The following CLVS1 variants were observed in gnomAD, a reference collection of about 807,000 sequenced individuals.
The protein encoded by CLVS1 is clavesin 1, also known as clavesin-1.
CLVS1 carries 10 observed loss-of-function variants against 33.1 expected under a neutral mutation model. The ratio of observed to expected loss-of-function variants is 0.30; its 90% CI spans 0.19 to 0.51. CLVS1 has a LOEUF of 0.51. CLVS1 is among the 20% of genes least tolerant of loss of function. The pLI is 0.97. For missense variants in CLVS1, 343 were observed against 433.4 expected, an observed-to-expected ratio of 0.79 and a Z score of 1.85; for synonymous variants, 163 against 166.1, an observed-to-expected ratio of 0.98 and a Z score of 0.14.
intron 4 of CLVS1, among the ~76,000 whole-genome samples, chr8:61,455,364 C>T (rs576567847): frequency 1.3e-5 from 2 of 152,124 alleles, no homozygotes; most frequent in Non-Finnish European, 2.9e-5. Flanking sequence ...CTCTCCATTT[C>T]CCCCTACTCT....
intron 5 of CLVS1, among the ~76,000 whole-genome samples, chr8:61,469,959 A>T (rs1817680450): frequency 6.6e-6 from 1 of 152,244 alleles, no homozygotes; most frequent in Non-Finnish European, 1.5e-5. Context: ...CCTGAGATGT[A>T]TCATCACTTC....
intron 3 of CLVS1, chr8:61,378,003 C>G (rs1432054193): frequency 6.6e-6 from 1 of 152,200 alleles, no homozygotes; most frequent in Non-Finnish European, 1.5e-5. Flanking sequence ...CAGTCACTTC[C>G]TCTTAGCTCT....
the CLVS1 span, among the ~76,000 whole-genome samples, chr8:61,040,488 T>C: frequency 6.6e-6 from 1 of 152,204 alleles, no homozygotes; most frequent in African/African-American, 2.4e-5. Flanking sequence ...TTTGCAGTAT[T>C]GCCAGCCTCT....
intron 3 of CLVS1, among the ~76,000 whole-genome samples, chr8:61,439,102 TC>T (rs1374781035): frequency 2.0e-5 from 3 of 152,230 alleles, no homozygotes; most frequent in Non-Finnish European, 2.9e-5. Flanking sequence ...CCATCATGCT[TC>T]CTTCTCCAAG....
chr8:61,122,427 G>T (rs1361503817), intron 1 of CLVS1, among the ~76,000 whole-genome samples: 1 of 152,130 alleles, frequency 6.6e-6, no homozygotes, highest in Admixed American at 6.5e-5. Context: ...GATATAGATT[G>T]CCAGGAAATC....
At chr8:61,139,214 C>A (rs1806256315) in intron 2 of CLVS1, among the ~76,000 whole-genome samples, 1 of 152,032 alleles carries the variant, frequency 6.6e-6, no homozygotes, top group African/African-American at 2.4e-5. Context: ...CAGCAGAGGG[C>A]AGCATTGAGA....
chr8:61,173,137 A>ATTTTTT (rs1807041195), intron 2 of CLVS1, among the ~76,000 whole-genome samples: 1 of 152,008 alleles, frequency 6.6e-6, no homozygotes, highest in African/African-American at 2.4e-5. Context: ...TCCTTCTTTA[A>ATTTTTT]TTATTATCTG....
intron 3 of CLVS1, among the ~76,000 whole-genome samples, chr8:61,429,257 T>C (rs1235149981): frequency 6.6e-6 from 1 of 151,764 alleles, no homozygotes; most frequent in Non-Finnish European, 1.5e-5. Context: ...CTGTCTCTAC[T>C]AAAAATACAA....
intron 2 of CLVS1, among the ~76,000 whole-genome samples, chr8:61,275,907 G>A (rs1303840012): frequency 6.6e-6 from 1 of 152,140 alleles, no homozygotes; most frequent in Non-Finnish European, 1.5e-5. Flanking sequence ...TATGTCAACA[G>A]GACTTCATTT....
intron 3 of CLVS1, among the ~76,000 whole-genome samples, chr8:61,452,985 C>T (rs1023342665): frequency 2.6e-5 from 4 of 152,074 alleles, no homozygotes; most frequent in Non-Finnish European, 4.4e-5. Flanking sequence ...TTACTAAAAA[C>T]GACCCGGGTG....
rs551892884 is a variant in CLVS1, at chr8:61,321,727, A to G, written c.455+21445A>G. ...TTCCAGAGATGTCATATCCTCTGGG[A>G]TTATTTAAAAAATGATAAATTAGTA... On this transcript the variant is annotated intron_variant, in intron 2 of 5. Transcript: ENST00000325897. Among the ~76,000 whole-genome samples, 4 of 152,216 alleles carry G rather than the reference A, an allele frequency of 2.6e-5. No homozygotes were observed. The South Asian group carries it at 6.2e-4, about 24-fold the overall frequency.
intron 2 of CLVS1, among the ~76,000 whole-genome samples, chr8:61,255,663 C>A (rs1057065880): frequency 2.0e-5 from 3 of 152,142 alleles, no homozygotes; most frequent in Admixed American, 2.0e-4. Flanking sequence ...CAAGGCACAT[C>A]TTTTCAAGCA....
intron 3 of CLVS1, among the ~76,000 whole-genome samples, chr8:61,451,461 G>A (rs1040115089): frequency 6.6e-6 from 1 of 152,088 alleles, no homozygotes; most frequent in Admixed American, 6.6e-5. Context: ...ATTGACAAAG[G>A]TATAAATGTA....
At chr8:61,304,670 A>G (rs1810555787) in intron 2 of CLVS1, among the ~76,000 whole-genome samples, 1 of 152,194 alleles carries the variant, frequency 6.6e-6, no homozygotes, top group African/African-American at 2.4e-5. Flanking sequence ...GATGAAAAAC[A>G]AATTCATTTC....
chr8:61,421,029 A>T (rs891639317), intron 3 of CLVS1, among the ~76,000 whole-genome samples: 1 of 152,200 alleles, frequency 6.6e-6, no homozygotes, highest in Non-Finnish European at 1.5e-5. Flanking sequence ...GCAACTGAGT[A>T]TGCAAGTTGA....
intron 2 of CLVS1, among the ~76,000 whole-genome samples, chr8:61,321,816 T>C (rs780286085): frequency 2.0e-5 from 3 of 152,176 alleles, no homozygotes; most frequent in Non-Finnish European, 4.4e-5. Context: ...TAGAGGGAGA[T>C]ATATCTTCAA....
At chr8:61,128,473 T>C (rs886903126) in intron 1 of CLVS1, among the ~76,000 whole-genome samples, 1 of 152,224 alleles carries the variant, frequency 6.6e-6, no homozygotes, top group Non-Finnish European at 1.5e-5. Context: ...TCTTTACATC[T>C]TTTTCTTTCT....
At chr8:61,012,528 A>G in the CLVS1 span, among the ~76,000 whole-genome samples, 5 of 152,248 alleles carry the variant, frequency 3.3e-5, no homozygotes, top group African/African-American at 1.2e-4. Flanking sequence ...TTCTGACAGC[A>G]GAGTCTGTAC....
rs531567332 is a variant in CLVS1 at position 61,140,067 on chromosome 8, A to T, written c.-152+8207A>T. Among the ~76,000 whole-genome samples the T allele has an allele frequency of 5.3e-5, 8 of 152,174 alleles. No homozygotes were observed. In the South Asian group the frequency reaches 1.2e-3, roughly 24 times the overall value. The stretch of plus-strand genomic sequence containing the variant: ...CAAGCTGCCCAAGTTAAGTCCTTCT[A>T]GAAGGGCGCATTCCATGGAGACCAG... On this transcript the variant is annotated intron_variant, in intron 2 of 2. Coordinates refer to the CLVS1 transcript ENST00000522621.
Sources: allele counts gnomAD v4.1 joint callset (sites outside exome capture counted in the v4.1 genomes callset), GRCh38; gene constraint gnomAD v4.1.1; transcripts MANE v1.5; gene names NCBI Gene and HGNC (gene_info 2026-07-23, HGNC 2026-07-21).